The following TBC1D22A variants were observed in gnomAD, a reference collection of about 807,000 sequenced individuals.
The protein encoded by TBC1D22A is putative GTPase activator.
TBC1D22A carries 38 observed loss-of-function variants against 60.2 expected under a neutral mutation model. The ratio of observed to expected loss-of-function variants is 0.63; its 90% CI spans 0.49 to 0.83. The LOEUF is 0.83. Ranked by LOEUF, TBC1D22A falls within the 40% of genes least tolerant of loss-of-function variation. The pLI, the probability that TBC1D22A is intolerant of heterozygous loss-of-function variation, is 0.00. For synonymous variants in TBC1D22A, 302 were observed against 281.7 expected, an observed-to-expected ratio of 1.07 and a Z score of -0.72; for missense variants, 628 against 701.0, an observed-to-expected ratio of 0.90 and a Z score of 1.18.
At chr22:47,068,729 C>G (rs1049358826) in intron 11 of TBC1D22A, among the ~76,000 whole-genome samples, 3 of 152,054 alleles carry the variant, frequency 2.0e-5, no homozygotes, top group South Asian at 2.1e-4. Context: ...AATTTCACGC[C>G]GAAATCTCAG....
At chr22:46,963,051 A>G (rs1208412640) in intron 8 of TBC1D22A, among the ~76,000 whole-genome samples, 1 of 149,846 alleles carries the variant, frequency 6.7e-6, no homozygotes, top group East Asian at 1.9e-4. Flanking sequence ...CGTCTCTACT[A>G]AAAATACAAA....
At chr22:46,967,014 G>A (rs768942147) in intron 8 of TBC1D22A, among the ~76,000 whole-genome samples, 4 of 152,166 alleles carry the variant, frequency 2.6e-5, no homozygotes, top group Non-Finnish European at 4.4e-5. Context: ...TGCTGAGGGC[G>A]TTGTCCTTGT....
At chr22:46,913,664 G>A in intron 8 of TBC1D22A, 1 of 985,402 alleles carries the variant, frequency 1.0e-6, no homozygotes, top group Non-Finnish European at 1.2e-6. Context: ...AGAACAGTAG[G>A]ACCTCTGTCA....
At chr22:47,060,264 T>A (rs1480756490) in intron 11 of TBC1D22A, among the ~76,000 whole-genome samples, 1 of 138,228 alleles carries the variant, frequency 7.2e-6, no homozygotes, top group Non-Finnish European at 1.5e-5. Flanking sequence ...TTTTTTGAGA[T>A]GGAGTCTTGC....
At chr22:47,144,865 G>T (rs563038056) in intron 12 of TBC1D22A, among the ~76,000 whole-genome samples, 1 of 141,562 alleles carries the variant, frequency 7.1e-6, no homozygotes, top group East Asian at 2.1e-4. Flanking sequence ...GCCCGTGAAG[G>T]TGCCTGCTGG....
intron 11 of TBC1D22A, among the ~76,000 whole-genome samples, chr22:47,105,858 C>T (rs1012439262): frequency 1.3e-5 from 2 of 152,016 alleles, no homozygotes; most frequent in Non-Finnish European, 2.9e-5. Flanking sequence ...AAGCAAGCCA[C>T]TGGGGGCAAG....
intron 10 of TBC1D22A, among the ~76,000 whole-genome samples, chr22:47,013,462 G>A (rs1275203658): frequency 2.0e-5 from 3 of 152,172 alleles, no homozygotes; most frequent in African/African-American, 4.8e-5. Flanking sequence ...AAGAGCTGTC[G>A]TGGTTTCGAA....
intron 11 of TBC1D22A, among the ~76,000 whole-genome samples, chr22:47,110,762 A>G (rs1489885089): frequency 1.3e-5 from 2 of 152,264 alleles, no homozygotes; most frequent in African/African-American, 4.8e-5. Flanking sequence ...AGTTTGGGGA[A>G]CCCTCAGTCT....
intron 8 of TBC1D22A, among the ~76,000 whole-genome samples, chr22:46,929,312 G>A (rs2071220441): frequency 6.6e-6 from 1 of 152,140 alleles, no homozygotes; most frequent in Non-Finnish European, 1.5e-5. Context: ...TGAATCAATG[G>A]CTGTGAGTGT....
At chr22:46,930,698 C>T (rs1195052897) in intron 8 of TBC1D22A, among the ~76,000 whole-genome samples, 1 of 151,482 alleles carries the variant, frequency 6.6e-6, no homozygotes, top group Non-Finnish European at 1.5e-5. Context: ...CTCCTGACCT[C>T]GTGATCCACC....
At chr22:46,899,144 A>G (rs893117825) in intron 7 of TBC1D22A, among the ~76,000 whole-genome samples, 1 of 152,072 alleles carries the variant, frequency 6.6e-6, no homozygotes, top group African/African-American at 2.4e-5. Flanking sequence ...GGCTTTAGGA[A>G]AGTATTGAAA....
chr22:46,915,571 G>A (rs1415357619), intron 8 of TBC1D22A: 2 of 456,712 alleles, frequency 4.4e-6, no homozygotes, highest in East Asian at 1.4e-4. Flanking sequence ...CTGGGGATGA[G>A]CTTGTGTTGT....
At chr22:46,915,905 A>G (rs16995981) in intron 8 of TBC1D22A, 30,152 of 450,600 alleles carry the variant, frequency 0.067, 2,340 homozygotes, top group African/African-American at 0.26. Context: ...GGGAGGTTCC[A>G]ACTCTGCACA....
At chr22:47,170,147 G>A (rs767960114) in intron 12 of TBC1D22A, among the ~76,000 whole-genome samples, 6 of 152,292 alleles carry the variant, frequency 3.9e-5, no homozygotes, top group East Asian at 1.9e-4. Context: ...TTCTCCTCCC[G>A]TAAAGGTCAC....
intron 1 of TBC1D22A, among the ~76,000 whole-genome samples, chr22:46,767,008 C>T (rs1315522415): frequency 6.6e-6 from 1 of 152,150 alleles, no homozygotes. Context: ...AGTACCGATA[C>T]CTGGTGTTTA....
At position 47,124,571 on chromosome 22, in the gene TBC1D22A, A is replaced by T. The variant is rs191587209; in HGVS notation, c.1425+12968A>T. On this transcript the variant is annotated intron_variant, in intron 12 of 12. Transcript: ENST00000337137. ...TGTGCACGTCATTTTCGGAGCTAACACATGCCTGGTGTGGAGTTGGCAAAT... is the reference window on the plus strand; with the variant it reads ...TGTGCACGTCATTTTCGGAGCTAACTCATGCCTGGTGTGGAGTTGGCAAAT... Among the ~76,000 whole-genome samples, 1,050 of 152,298 alleles carry T rather than the reference A, an allele frequency of 6.9e-3. 13 individuals carry two copies. Among genetic ancestry groups the T allele is most frequent in the African/African-American group, 0.024 (985 of 41,574 alleles).
At chr22:47,134,016 T>G (rs1333276390) in intron 12 of TBC1D22A, among the ~76,000 whole-genome samples, 1 of 152,156 alleles carries the variant, frequency 6.6e-6, no homozygotes, top group Non-Finnish European at 1.5e-5. Flanking sequence ...TCCACTCCAG[T>G]TATTCCAGAA....
Position 47,028,947 on chromosome 22 carries a change from C to CAAG in TBC1D22A, c.1202-8123_1202-8122insAGA, listed in dbSNP as rs1972060848. ...GTCCTTAACAAGAGCACCCTCACTT[C>CAAG]AGACTCCAGCTGCACCTCAGTGGTC... On this transcript the variant is annotated intron_variant, in intron 10 of 12. Transcript: ENST00000337137. The surrounding 1 kb of genome is among the most constrained non-coding windows in gnomAD (Gnocchi z 4.4). Among the ~76,000 whole-genome samples the CAAG allele has an allele frequency of 6.6e-6, 1 of 152,194 alleles. No individual in the cohort carries two copies. Among genetic ancestry groups the CAAG allele is most frequent in the South Asian group, 2.1e-4 (1 of 4,830 alleles).
chr22:47,170,981 C>A (rs1322720082), intron 12 of TBC1D22A, among the ~76,000 whole-genome samples: 1 of 152,312 alleles, frequency 6.6e-6, no homozygotes, highest in Middle Eastern at 3.4e-3. Context: ...GGGCCTGCCT[C>A]AGTGAGGGTG....
Sources: allele counts gnomAD v4.1 joint callset (sites outside exome capture counted in the v4.1 genomes callset), GRCh38; gene constraint gnomAD v4.1.1; non-coding constraint Gnocchi (gnomAD v3.1); transcripts MANE v1.5; gene names NCBI Gene and HGNC (gene_info 2026-07-23, HGNC 2026-07-21).